Variants in FAR2 observed in about 807,000 individuals in gnomAD.
The protein encoded by FAR2 is epididymis secretory protein Li 81.
FAR2 carries 19 observed loss-of-function variants against 56.0 expected under a neutral mutation model. The ratio of observed to expected loss-of-function variants is 0.34; its 90% CI spans 0.24 to 0.50. The LOEUF (loss-of-function observed/expected upper bound fraction) is 0.50. FAR2 is among the 20% of genes least tolerant of loss of function. FAR2 has a pLI of 0.98. For synonymous variants in FAR2, 219 were observed against 218.8 expected (o/e 1.00, Z -0.01); for missense variants, 508 against 642.2 (o/e 0.79, Z 2.26).
At chr12:29,230,900 T>C (rs1947848086) in intron 1 of FAR2, among the ~76,000 whole-genome samples, 1 of 152,268 alleles carries the variant, frequency 6.6e-6, no homozygotes, top group Non-Finnish European at 1.5e-5. Context: ...CTTTTAGATA[T>C]CCCAAGTACT....
chr12:29,165,870 CAG>C (rs1322054204), intron 1 of FAR2, among the ~76,000 whole-genome samples: 1 of 152,132 alleles, frequency 6.6e-6, no homozygotes, highest in Non-Finnish European at 1.5e-5. Flanking sequence ...AAATATAGAA[CAG>C]AGTTATCAGG....
intron 1 of FAR2, 134 bp from the exon 2 acceptor site, chr12:29,270,278 G>T (rs183898250): frequency 1.8e-6 from 1 of 566,876 alleles, no homozygotes; most frequent in East Asian, 3.0e-5. Flanking sequence ...TTGCTTAAAA[G>T]CCACGATGCT....
chr12:29,149,717 C>G (rs923111520), intron 1 of FAR2, among the ~76,000 whole-genome samples: 4 of 152,234 alleles, frequency 2.6e-5, no homozygotes, highest in African/African-American at 7.2e-5. Context: ...GGGAAGGACC[C>G]AGCAAGGTTA....
At chr12:29,197,135 T>G (rs1950150572) in intron 1 of FAR2, among the ~76,000 whole-genome samples, 1 of 152,180 alleles carries the variant, frequency 6.6e-6, no homozygotes, top group African/African-American at 2.4e-5. Context: ...ATAACGGTAT[T>G]ATGCTATTCA....
chr12:29,291,558 GA>G (rs1311652030), intron 2 of FAR2: 1 of 429,560 alleles, frequency 2.3e-6, no homozygotes, highest in African/African-American at 2.0e-5. Flanking sequence ...TCAATTGGGG[GA>G]CTTGGTGTGA....
intron 2 of FAR2, among the ~76,000 whole-genome samples, chr12:29,273,282 C>T (rs550269602): frequency 2.6e-3 from 389 of 152,306 alleles, no homozygotes; most frequent in Non-Finnish European, 4.5e-3. Context: ...GCCACCTCTC[C>T]CCTTAGGGGC....
intron 2 of FAR2, among the ~76,000 whole-genome samples, chr12:29,290,021 T>C (rs1948940529): frequency 6.6e-6 from 1 of 152,154 alleles, no homozygotes; most frequent in Non-Finnish European, 1.5e-5. Context: ...ATGGCTTATA[T>C]CCAAAAGATA....
intron 1 of FAR2, among the ~76,000 whole-genome samples, chr12:29,234,945 C>T (rs1003614733): frequency 6.6e-6 from 1 of 152,154 alleles, no homozygotes; most frequent in African/African-American, 2.4e-5. Context: ...GCATATATCA[C>T]ATTTTATTAC....
chr12:29,296,958 AG>A, intron 3 of FAR2, 62 bp from the exon 4 acceptor site: 2 of 1,427,148 alleles, frequency 1.4e-6, no homozygotes, highest in Non-Finnish European at 1.9e-6. Context: ...GAGTAGGTGC[AG>A]TTATAGCAAG....
intron 9 of FAR2, among the ~76,000 whole-genome samples, chr12:29,321,096 T>G (rs1213930402): frequency 6.6e-6 from 1 of 152,180 alleles, no homozygotes; most frequent in Non-Finnish European, 1.5e-5. Flanking sequence ...AAGTTTTTTT[T>G]TTTTTTAATC....
At chr12:29,287,184 G>A (rs1344445955) in intron 2 of FAR2, among the ~76,000 whole-genome samples, 1 of 152,168 alleles carries the variant, frequency 6.6e-6, no homozygotes, top group Non-Finnish European at 1.5e-5. Context: ...TGTTGAATGA[G>A]AATCTTCAGG....
chr12:29,309,458 A>G (rs1949309185), intron 6 of FAR2, among the ~76,000 whole-genome samples: 1 of 152,178 alleles, frequency 6.6e-6, no homozygotes, highest in Admixed American at 6.5e-5. Context: ...GTTACTATTT[A>G]GGAGTTTTAT....
chr12:29,299,046 T>C (rs1383140383), intron 4 of FAR2, among the ~76,000 whole-genome samples: 4 of 151,678 alleles, frequency 2.6e-5, no homozygotes, highest in African/African-American at 7.3e-5. Flanking sequence ...AAACCCTGTC[T>C]CTACTAAATA....
Position 29,270,588 on chromosome 12 carries a change from A to C in FAR2, c.139A>C (p.Lys47Gln), listed in dbSNP as rs771178026. Residue 47 changes from lysine to glutamine, a missense_variant, in exon 2 of 12, where the codon AAG (lysine) becomes CAG (glutamine). By Grantham distance (53) the Lys-to-Gln change is moderately conservative (BLOSUM62 1). Transcript: ENST00000536681. ...AGTCATTTACATCCTTGTGAGGCCC[A>C]AGGCTGGCCAGACACTGCAGCAGAG... is the stretch of plus-strand genomic sequence containing the variant. ...LKVIYILVRP[K>Q]AGQTLQQRVF... 1 of 1,614,084 alleles carries C rather than the reference A, an allele frequency of 6.2e-7. No individual in the cohort carries two copies. The highest frequency in any genetic ancestry group is 8.5e-7 in the Non-Finnish European group (1 of 1,179,942).
chr12:29,320,831 G>A (rs541996081), intron 9 of FAR2, among the ~76,000 whole-genome samples: 2 of 152,206 alleles, frequency 1.3e-5, no homozygotes, highest in East Asian at 1.9e-4. Flanking sequence ...TCTGGTCCAA[G>A]TCCTGACCAC....
At chr12:29,252,727 T>G (rs1251106906) in intron 1 of FAR2, among the ~76,000 whole-genome samples, 1 of 152,202 alleles carries the variant, frequency 6.6e-6, no homozygotes, top group Non-Finnish European at 1.5e-5. Context: ...GTATTTATGT[T>G]AGATGGAATT....
chr12:29,221,009 G>A (rs531088760), intron 1 of FAR2, among the ~76,000 whole-genome samples: 51 of 152,162 alleles, frequency 3.4e-4, no homozygotes, highest in African/African-American at 1.1e-3. Context: ...GCTTGGGAGG[G>A]GCTACTGGCG....
At chr12:29,230,720 G>T (rs1243917918) in intron 1 of FAR2, among the ~76,000 whole-genome samples, 1 of 152,088 alleles carries the variant, frequency 6.6e-6, no homozygotes, top group East Asian at 1.9e-4. Context: ...TTTGCCAAAG[G>T]AATGGAAATT....
intron 8 of FAR2, among the ~76,000 whole-genome samples, chr12:29,312,641 T>C (rs1949373204): frequency 6.6e-6 from 1 of 152,144 alleles, no homozygotes; most frequent in African/African-American, 2.4e-5. Context: ...TCTGTCTGAA[T>C]GTAAAGGATT....
Sources: allele counts gnomAD v4.1 joint callset (sites outside exome capture counted in the v4.1 genomes callset), GRCh38; gene constraint gnomAD v4.1.1; transcripts MANE v1.5; gene names NCBI Gene and HGNC (gene_info 2026-07-23, HGNC 2026-07-21).